AGFG1: variants seen among roughly 807,000 people sequenced by gnomAD.
The protein encoded by AGFG1 is ArfGAP with FG repeats 1, also known as arf-GAP domain and FG repeat-containing protein 1.
A neutral mutation model predicts 60.6 loss-of-function variants in AGFG1; 10 were observed. That is an observed-to-expected ratio of 0.16 (90% CI 0.10 to 0.28). The LOEUF (loss-of-function observed/expected upper bound fraction) is 0.28. Among genes scored for constraint, AGFG1 ranks in the 10% least tolerant of loss-of-function variants. AGFG1 has a pLI of 1.00. For missense variants in AGFG1, 537 were observed against 676.5 expected (o/e 0.79, Z 2.29); for synonymous variants, 247 against 242.9 (o/e 1.02, Z -0.16).
chr2:227,499,509 G>A (rs1255178283), intron 2 of AGFG1, among the ~76,000 whole-genome samples: 3 of 152,008 alleles, frequency 2.0e-5, no homozygotes, highest in Non-Finnish European at 1.5e-5. Flanking sequence ...GCGTGGTGGC[G>A]TGTGCCTGTA....
intron 12 of AGFG1, 43 bp downstream of exon 12, chr2:227,553,838 CTTATTTTAAAAT>C (rs1692893389): frequency 1.4e-6 from 2 of 1,439,556 alleles, no homozygotes; most frequent in East Asian, 4.9e-5. Context: ...GTTGTTAAAT[CTTATTTTAAAAT>C]TAGGAATAGC....
chr2:227,517,321 A>C (rs528478371), intron 2 of AGFG1, among the ~76,000 whole-genome samples: 1 of 152,330 alleles, frequency 6.6e-6, no homozygotes, highest in South Asian at 2.1e-4. Context: ...GCTGGAGTGC[A>C]GTGGCGCAAT....
intron 2 of AGFG1, among the ~76,000 whole-genome samples, chr2:227,519,147 T>C (rs899171636): frequency 6.6e-6 from 1 of 152,156 alleles, no homozygotes; most frequent in African/African-American, 2.4e-5. Context: ...TCCTGGGTGA[T>C]AGAGACAGAC....
chr2:227,487,559 A>T (rs2106164081), intron 1 of AGFG1, among the ~76,000 whole-genome samples: 1 of 152,324 alleles, frequency 6.6e-6, no homozygotes, highest in East Asian at 1.9e-4. Context: ...ATTATGAATA[A>T]TGTTTGGTGA....
chr2:227,554,089 A>C (rs1389061258), intron 12 of AGFG1, among the ~76,000 whole-genome samples: 1 of 152,226 alleles, frequency 6.6e-6, no homozygotes, highest in Non-Finnish European at 1.5e-5. Context: ...TTGTCAAAAT[A>C]ACACTTTATG....
intron 2 of AGFG1, among the ~76,000 whole-genome samples, chr2:227,513,065 G>A (rs538152067): frequency 1.3e-5 from 2 of 152,194 alleles, no homozygotes; most frequent in African/African-American, 4.8e-5. Context: ...CCAAATAAAG[G>A]TGAATATCCA....
At chr2:227,542,156 TTC>T (rs1260811359) in intron 10 of AGFG1, among the ~76,000 whole-genome samples, 1 of 152,212 alleles carries the variant, frequency 6.6e-6, no homozygotes, top group Non-Finnish European at 1.5e-5. Context: ...CGTTATTTTT[TTC>T]TCTTGCCTGA....
chr2:227,527,574 A>G (rs558360803), intron 5 of AGFG1, among the ~76,000 whole-genome samples: 1 of 152,312 alleles, frequency 6.6e-6, no homozygotes, highest in East Asian at 1.9e-4. Context: ...AAGCATACAT[A>G]GTATTTGTGT....
chr2:227,480,728 AC>A (rs1158554854), intron 1 of AGFG1, among the ~76,000 whole-genome samples: 2 of 152,032 alleles, frequency 1.3e-5, no homozygotes, highest in African/African-American at 4.8e-5. Context: ...TTCACTTGTA[AC>A]CTATGTTAGA....
chr2:227,514,627 G>A lies in AGFG1; in HGVS notation c.262-5321G>A, dbSNP rs567840853. On this transcript the variant is annotated intron_variant, in intron 2 of 12. Transcript: ENST00000310078. Reference sequence around the variant, plus strand: ...TACAGATAAATGTTAACTTGCTCAAGTCAAATAGCAGCATACAGAGTTGGA... The same window carrying A: ...TACAGATAAATGTTAACTTGCTCAAATCAAATAGCAGCATACAGAGTTGGA... 4.6e-3 allele frequency among the ~76,000 whole-genome samples: 698 copies of A among 152,250 alleles called. 3 individuals are homozygous for A. Among genetic ancestry groups the A allele is most frequent in the Non-Finnish European group, 6.2e-3 (424 of 68,016 alleles).
rs1692997437 is a variant in AGFG1 at position 227,557,222 on chromosome 2, A to C, written c.*2727A>C. 2 of 152,196 alleles carry C rather than the reference A, an allele frequency of 1.3e-5. No homozygotes were observed. The highest frequency in any genetic ancestry group is 6.5e-5 in the Admixed American group (1 of 15,274). 9.4% of individuals were successfully genotyped at this position (152,196 alleles called of 1,614,324 possible). On this transcript the variant is annotated 3_prime_UTR_variant, in exon 13 of 13. Coordinates refer to ENST00000310078, the MANE Select transcript of AGFG1 (RefSeq NM_004504.5). ...GGAAAGATCTTTTTTCAGGATGGCA[A>C]ACTTTTGACATAGTTTAAAGACATT...
rs779620457 is a variant in AGFG1, at chr2:227,520,051, A to G, written c.365A>G (p.Glu122Gly). Reference protein sequence around the residue: ...KVKEFLQEKYEKKRWYVPPEQ... With the variant: ...KVKEFLQEKYGKKRWYVPPEQ... ...AAAGAGTTTCTACAAGAAAAGTATGAAAAGAAAAGATGGTGAGTGAAGAGT... is the reference window on the plus strand; with the variant it reads ...AAAGAGTTTCTACAAGAAAAGTATGGAAAGAAAAGATGGTGAGTGAAGAGT... Residue 122 changes from glutamate to glycine, a missense_variant, in exon 3 of 13, where the codon GAA becomes GGA. Glu to Gly is a moderately conservative substitution (Grantham distance 98). Transcript: ENST00000310078. The G allele has an allele frequency of 1.1e-5, 18 of 1,573,362 alleles. No individual in the cohort carries two copies. Among genetic ancestry groups the G allele is most frequent in the Non-Finnish European group, 1.5e-5 (17 of 1,164,470 alleles).
At chr2:227,538,913 C>T (rs1692395049) in intron 10 of AGFG1, among the ~76,000 whole-genome samples, 1 of 152,120 alleles carries the variant, frequency 6.6e-6, no homozygotes, top group African/African-American at 2.4e-5. Context: ...ACAGTGTCCA[C>T]AAATGTTTAT....
chr2:227,485,395 C>G (rs1260414199), intron 1 of AGFG1, among the ~76,000 whole-genome samples: 1 of 140,134 alleles, frequency 7.1e-6, no homozygotes, highest in Non-Finnish European at 1.5e-5. Context: ...CGCCACCATG[C>G]CCAGCTAATT....
At chr2:227,504,889 G>A (rs558874984) in intron 2 of AGFG1, among the ~76,000 whole-genome samples, 56 of 152,278 alleles carry the variant, frequency 3.7e-4, no homozygotes, top group African/African-American at 1.3e-3. Context: ...GTACTTGAAA[G>A]GAGTGTGTTT....
At chr2:227,491,493 A>G (rs1487346226) in intron 1 of AGFG1, 54 bp from the exon 2 acceptor site, 17 of 1,161,084 alleles carry the variant, frequency 1.5e-5, no homozygotes, top group Non-Finnish European at 2.1e-5. Flanking sequence ...TAGATGTGTC[A>G]TTTTAAAAAT....
At chr2:227,513,632 A>G (rs771218772) in intron 2 of AGFG1, among the ~76,000 whole-genome samples, 4 of 152,198 alleles carry the variant, frequency 2.6e-5, no homozygotes, top group Non-Finnish European at 5.9e-5. Flanking sequence ...CAACCCACCT[A>G]TGCTTCGTAA....
At chr2:227,484,859 A>G (rs1690579033) in intron 1 of AGFG1, among the ~76,000 whole-genome samples, 1 of 151,648 alleles carries the variant, frequency 6.6e-6, no homozygotes, top group Admixed American at 6.6e-5. Flanking sequence ...GTGCGCCAAC[A>G]TGCCCGGCTA....
chr2:227,537,517 G>T (rs1204607401), intron 10 of AGFG1, among the ~76,000 whole-genome samples: 1 of 152,096 alleles, frequency 6.6e-6, no homozygotes. Context: ...TGATTCAGTC[G>T]TGGGTATAAT....
Sources: allele counts gnomAD v4.1 joint callset (sites outside exome capture counted in the v4.1 genomes callset), GRCh38; gene constraint gnomAD v4.1.1; transcripts MANE v1.5; gene names NCBI Gene and HGNC (gene_info 2026-07-23, HGNC 2026-07-21).